PCDH9: variants seen among roughly 807,000 people sequenced by gnomAD.
PCDH9 encodes the protein protocadherin-9.
PCDH9 carries 24 observed loss-of-function variants against 70.6 expected under a neutral mutation model. That is an observed-to-expected ratio of 0.34 (90% CI 0.25 to 0.48). PCDH9 has a LOEUF of 0.48. PCDH9 is among the 20% of genes least tolerant of loss of function. The pLI is 0.99. For missense variants in PCDH9, 1,281 were observed against 1,503.6 expected (o/e 0.85, Z 2.45); for synonymous variants, 562 against 558.5 (o/e 1.01, Z -0.09).
rs573179817 is a variant in PCDH9, at chr13:66,897,607, A to C, written c.3138+5897T>G. Among the ~76,000 whole-genome samples, 28 of 152,248 alleles carry C rather than the reference A, an allele frequency of 1.8e-4. 1 individual carries two copies. In the South Asian group the frequency reaches 5.6e-3, roughly 30 times the overall value. ...AGCATAAGTTCAATAGTCTGAAATA[A>C]ACCAACATTCATGTTTCTAGAAAAT... On this transcript the variant is annotated intron_variant, in intron 3 of 4. Transcript: ENST00000377865.
chr13:67,102,476 T>C (rs2138243407), intron 2 of PCDH9, among the ~76,000 whole-genome samples: 1 of 152,240 alleles, frequency 6.6e-6, no homozygotes, highest in Non-Finnish European at 1.5e-5. Context: ...CTGTTTTTAA[T>C]ACTAAATAAC....
At chr13:67,150,508 A>C (rs1405551502) in intron 2 of PCDH9, among the ~76,000 whole-genome samples, 1 of 152,254 alleles carries the variant, frequency 6.6e-6, no homozygotes, top group East Asian at 1.9e-4. Context: ...AATCAGAAAT[A>C]TAATCATTAG....
intron 4 of PCDH9, among the ~76,000 whole-genome samples, chr13:66,558,354 A>T (rs185001880): frequency 6.6e-6 from 1 of 152,228 alleles, no homozygotes; most frequent in African/African-American, 2.4e-5. Context: ...AAATTAGCAT[A>T]GTCATAAAAG....
intron 3 of PCDH9, among the ~76,000 whole-genome samples, chr13:66,704,487 A>C (rs2078686712): frequency 6.6e-6 from 1 of 152,216 alleles, no homozygotes; most frequent in Non-Finnish European, 1.5e-5. Flanking sequence ...GGATTTATTC[A>C]TTCCTAAACT....
At chr13:66,440,402 G>T (rs1213705759) in intron 4 of PCDH9, among the ~76,000 whole-genome samples, 2 of 152,060 alleles carry the variant, frequency 1.3e-5, no homozygotes, top group Non-Finnish European at 2.9e-5. Context: ...TGTGCTTGAT[G>T]TCTGGAAATG....
At chr13:66,542,777 A>G (rs1961021367) in intron 4 of PCDH9, among the ~76,000 whole-genome samples, 1 of 147,374 alleles carries the variant, frequency 6.8e-6, no homozygotes, top group African/African-American at 2.5e-5. Context: ...ATTTAAACAT[A>G]TATATATTTA....
At chr13:66,649,026 G>A (rs1002372616) in intron 3 of PCDH9, among the ~76,000 whole-genome samples, 2 of 151,860 alleles carry the variant, frequency 1.3e-5, no homozygotes, top group South Asian at 2.1e-4. Flanking sequence ...GACAAAAAAC[G>A]AATGAATAAA....
chr13:67,128,436 G>A (rs981036454), intron 2 of PCDH9, among the ~76,000 whole-genome samples: 1 of 152,166 alleles, frequency 6.6e-6, no homozygotes, highest in African/African-American at 2.4e-5. Flanking sequence ...ATTGAAATGT[G>A]ACTGACATCT....
intron 2 of PCDH9, among the ~76,000 whole-genome samples, chr13:67,148,753 G>C (rs2087585498): frequency 6.6e-6 from 1 of 152,084 alleles, no homozygotes; most frequent in Non-Finnish European, 1.5e-5. Flanking sequence ...AGCTGATTGA[G>C]GTTTGAATGT....
intron 2 of PCDH9, among the ~76,000 whole-genome samples, chr13:67,020,907 T>C (rs2084661715): frequency 6.6e-6 from 1 of 152,208 alleles, no homozygotes; most frequent in Non-Finnish European, 1.5e-5. Context: ...TTTCTGTTGG[T>C]AGTTACTAGA....
chr13:66,739,328 G>A (rs2079215043), intron 3 of PCDH9, among the ~76,000 whole-genome samples: 2 of 129,878 alleles, frequency 1.5e-5, no homozygotes, highest in Admixed American at 8.2e-5. Flanking sequence ...CCCTAAAAGA[G>A]CTCCTGAAGG....
At chr13:66,973,853 G>T (rs993607305) in intron 2 of PCDH9, among the ~76,000 whole-genome samples, 2 of 151,962 alleles carry the variant, frequency 1.3e-5, no homozygotes, top group African/African-American at 4.8e-5. Flanking sequence ...CCCAAGGTTT[G>T]TTAGCATTTG....
At chr13:66,677,380 A>G (rs1366679735) in intron 3 of PCDH9, among the ~76,000 whole-genome samples, 1 of 152,142 alleles carries the variant, frequency 6.6e-6, no homozygotes, top group African/African-American at 2.4e-5. Flanking sequence ...AACTGGTTTA[A>G]AATGTATATA....
At chr13:66,421,145 C>A (rs571325480) in intron 4 of PCDH9, among the ~76,000 whole-genome samples, 1 of 151,436 alleles carries the variant, frequency 6.6e-6, no homozygotes, top group South Asian at 2.1e-4. Context: ...AAAAGGAAAG[C>A]AATGAACAAA....
intron 3 of PCDH9, among the ~76,000 whole-genome samples, chr13:66,812,929 G>A (rs935585658): frequency 1.3e-5 from 2 of 152,196 alleles, no homozygotes; most frequent in Admixed American, 1.3e-4. Context: ...TAAATCCATG[G>A]CTAATCATTT....
intron 2 of PCDH9, chr13:67,221,338 A>C (rs868453047): frequency 3.9e-5 from 6 of 152,100 alleles, no homozygotes; most frequent in Non-Finnish European, 8.8e-5. Flanking sequence ...AGATTATTCA[A>C]AAATGAAAAG....
intron 4 of PCDH9, among the ~76,000 whole-genome samples, chr13:66,344,318 G>T (rs997982151): frequency 6.6e-6 from 1 of 152,050 alleles, no homozygotes; most frequent in African/African-American, 2.4e-5. Flanking sequence ...TAGAGATGGG[G>T]TTTCACCATG....
chr13:67,172,585 T>C (rs1215934995), intron 2 of PCDH9, among the ~76,000 whole-genome samples: 57 of 152,022 alleles, frequency 3.7e-4, no homozygotes, highest in Non-Finnish European at 1.8e-4. Flanking sequence ...CATTCAAGAA[T>C]GGATGGTTTT....
At chr13:67,074,270 C>A (rs2138164601) in intron 2 of PCDH9, among the ~76,000 whole-genome samples, 1 of 152,054 alleles carries the variant, frequency 6.6e-6, no homozygotes. Context: ...GGAATTAGTG[C>A]CTTTGTAAAT....
Sources: gnomAD v4.1 joint callset for allele counts (sites outside exome capture counted in the v4.1 genomes callset) on GRCh38, gnomAD v4.1.1 for gene constraint, MANE v1.5 for transcripts, NCBI Gene and HGNC (gene_info 2026-07-23, HGNC 2026-07-21) for gene names.